RUFY4: variants seen among roughly 807,000 people sequenced by gnomAD.
The protein encoded by RUFY4 is RUN and FYVE domain-containing protein 4.
In RUFY4, 73 loss-of-function variants were observed where a neutral mutation model predicts 69.0. That is an observed-to-expected ratio of 1.06 (90% CI 0.88 to 1.29). RUFY4 has a LOEUF of 1.29. Ranked by LOEUF, RUFY4 falls within the 50% of genes most tolerant of loss-of-function variation. The pLI is 0.00. For missense variants in RUFY4, 770 were observed against 705.6 expected, an observed-to-expected ratio of 1.09 and a Z score of -1.03; for synonymous variants, 287 against 271.8, an observed-to-expected ratio of 1.06 and a Z score of -0.55.
intron 2 of RUFY4, among the ~76,000 whole-genome samples, chr2:218,039,785 T>C (rs1473056316): frequency 6.6e-6 from 1 of 152,194 alleles, no homozygotes; most frequent in Non-Finnish European, 1.5e-5. Context: ...GCCCCCAGCC[T>C]CAGAGCCATT....
Position 218,061,754 on chromosome 2 carries a change from C to T in RUFY4, c.-1071+3073C>T, listed in dbSNP as rs138300560. ...AATAACTACAGGACACTCAATCCTA[C>T]TTGGATCCCTCAGTGGTGAGCACCT... On this transcript the variant is annotated intron_variant and NMD_transcript_variant, in intron 3 of 13. Coordinates refer to the RUFY4 transcript ENST00000457754. 1.2e-3 allele frequency among the ~76,000 whole-genome samples: 176 copies of T among 152,322 alleles called. 1 individual carries two copies. The highest frequency in any genetic ancestry group is 4.0e-3 in the African/African-American group (168 of 41,572).
At chr2:218,052,748 A>ATTTTT (rs1305565312) in intron 2 of RUFY4, among the ~76,000 whole-genome samples, 1 of 149,818 alleles carries the variant, frequency 6.7e-6, no homozygotes, top group African/African-American at 2.5e-5. Flanking sequence ...TTTTTTTTAA[A>ATTTTT]AAAAAAAGAT....
rs201363231 is a variant in RUFY4 at position 218,047,041 on chromosome 2, T to TAAA, written c.-1157-11537_-1157-11535dup. On this transcript the variant is annotated intron_variant and NMD_transcript_variant, in intron 2 of 13. Transcript: ENST00000457754. ...CAAACACAAAAAGTTTCATTGTGGTTAAAAAAAAAAAAAAAAAAAGTTTAG... is the reference window on the plus strand; with the variant it reads ...CAAACACAAAAAGTTTCATTGTGGTTAAAAAAAAAAAAAAAAAAAAAAGTTTAG... Among the ~76,000 whole-genome samples, 334 of 123,228 alleles carry TAAA rather than the reference T, an allele frequency of 2.7e-3. 1 individual carries two copies. Among genetic ancestry groups the TAAA allele is most frequent in the Non-Finnish European group, 3.5e-3 (201 of 56,998 alleles). 80.8% of individuals were successfully genotyped at this position (123,228 alleles called of 152,430 possible).
intron 2 of RUFY4, among the ~76,000 whole-genome samples, chr2:218,042,802 T>C (rs1487723958): frequency 6.6e-6 from 1 of 152,024 alleles, no homozygotes; most frequent in Non-Finnish European, 1.5e-5. Context: ...TATAGGGAGA[T>C]AAAACTTCAA....
intron 3 of RUFY4, among the ~76,000 whole-genome samples, chr2:218,064,143 T>A (rs1282349813): frequency 3.4e-4 from 52 of 152,104 alleles, no homozygotes; most frequent in Admixed American, 3.1e-3. Context: ...CCTGGGAAAT[T>A]CTGCACTGGA....
chr2:218,075,444 G>C (rs749614815), exon 7 of RUFY4: 1 of 1,610,880 alleles, frequency 6.2e-7, no homozygotes, highest in Admixed American at 1.7e-5. Flanking sequence ...TGAGGTCACA[G>C]GGGTTCTGCT....
intron 9 of RUFY4, among the ~76,000 whole-genome samples, chr2:218,084,391 C>A (rs1191250020): frequency 1.3e-5 from 2 of 152,026 alleles, no homozygotes; most frequent in Non-Finnish European, 2.9e-5. Flanking sequence ...GCCACCATGC[C>A]AGGCTAATTT....
intron 2 of RUFY4, among the ~76,000 whole-genome samples, chr2:218,048,028 G>T (rs2106029736): frequency 6.6e-6 from 1 of 152,190 alleles, no homozygotes; most frequent in Admixed American, 6.5e-5. Flanking sequence ...GGTCTTCAAG[G>T]GATTGCCACA....
chr2:218,060,815 G>A (rs181847502), intron 3 of RUFY4: 2 of 1,587,968 alleles, frequency 1.3e-6, no homozygotes, highest in Non-Finnish European at 1.7e-6. Context: ...TTGCTGTATT[G>A]TTGCCCATGT....
chr2:218,051,554 C>T, intron 2 of RUFY4, among the ~76,000 whole-genome samples: 1 of 138,728 alleles, frequency 7.2e-6, no homozygotes, highest in South Asian at 2.3e-4. Context: ...AAATGACTGG[C>T]TGTTCCAATA....
intron 2 of RUFY4, among the ~76,000 whole-genome samples, chr2:218,048,882 C>T (rs949456603): frequency 3.9e-5 from 6 of 152,160 alleles, no homozygotes; most frequent in Admixed American, 1.3e-4. Context: ...TTTTAAAAAT[C>T]ACATTCAGAT....
chr2:218,060,623 A>G (rs1384056967), intron 3 of RUFY4: 3 of 1,351,650 alleles, frequency 2.2e-6, no homozygotes, highest in Non-Finnish European at 3.2e-6. Flanking sequence ...ACCAGGTTGT[A>G]GGGCAGCCAG....
chr2:218,057,924 G>A (rs1416439330), intron 2 of RUFY4, among the ~76,000 whole-genome samples: 2 of 152,118 alleles, frequency 1.3e-5, no homozygotes, highest in Non-Finnish European at 2.9e-5. Context: ...TAAACATTTG[G>A]GTTGCTTCTA....
chr2:218,039,624 T>C (rs760170118), intron 2 of RUFY4, among the ~76,000 whole-genome samples: 7 of 152,144 alleles, frequency 4.6e-5, no homozygotes, highest in Admixed American at 2.6e-4. Flanking sequence ...AGACATTAGC[T>C]GCTGGGGGAA....
At chr2:218,070,387 C>T (rs532400603), upstream of RUFY4, 74 of 607,248 alleles carry the variant, frequency 1.2e-4, no homozygotes, top group South Asian at 1.3e-3. Flanking sequence ...ACTGCTCAAT[C>T]GGTGGAGGCC....
intron 3 of RUFY4, among the ~76,000 whole-genome samples, chr2:218,062,332 G>A (rs1689216224): frequency 6.6e-6 from 1 of 151,726 alleles, no homozygotes; most frequent in Non-Finnish European, 1.5e-5. Flanking sequence ...CGTGAACCCA[G>A]GAGGCGGAGC....
chr2:218,084,916 C>T (rs1297950157), intron 9 of RUFY4, among the ~76,000 whole-genome samples: 2 of 151,932 alleles, frequency 1.3e-5, no homozygotes, highest in Admixed American at 6.6e-5. Context: ...GGCGTGTTAG[C>T]GGGCACCTGT....
At chr2:218,049,504 T>A (rs1688897736) in intron 2 of RUFY4, among the ~76,000 whole-genome samples, 1 of 150,214 alleles carries the variant, frequency 6.7e-6, no homozygotes, top group Non-Finnish European at 1.5e-5. Context: ...TTCTTGCTGT[T>A]TTAGGTCTTT....
At chr2:218,039,950 G>A (rs1433867359) in intron 2 of RUFY4, among the ~76,000 whole-genome samples, 1 of 152,170 alleles carries the variant, frequency 6.6e-6, no homozygotes, top group African/African-American at 2.4e-5. Flanking sequence ...CTCAAGTGCA[G>A]TCTTCCACCT....
Sources: allele counts gnomAD v4.1 joint callset (sites outside exome capture counted in the v4.1 genomes callset), GRCh38; gene constraint gnomAD v4.1.1; transcripts MANE v1.5; gene names NCBI Gene and HGNC (gene_info 2026-07-23, HGNC 2026-07-21).